Variants in PCDHGA7 observed in about 807,000 individuals in gnomAD.
The protein encoded by PCDHGA7 is protocadherin gamma subfamily A, 7, also known as protocadherin gamma-A7.
Under a neutral mutation model 58.3 loss-of-function variants are expected in PCDHGA7, and 44 were observed. The observed-to-expected ratio is 0.75, with a 90% confidence interval of 0.59 to 0.97. The LOEUF (loss-of-function observed/expected upper bound fraction) is 0.97. Among genes scored for constraint, PCDHGA7 ranks in the 50% least tolerant of loss-of-function variants. The pLI is 0.00. For missense variants in PCDHGA7, 1,266 were observed against 1,188.7 expected (o/e 1.06, Z -0.96); for synonymous variants, 516 against 504.2 (o/e 1.02, Z -0.31).
At chr5:141,394,327 T>C (rs747533347) in intron 1 of PCDHGA7, 1 of 1,613,944 alleles carries the variant, frequency 6.2e-7, no homozygotes. Context: ...TCCTCGTATA[T>C]CTCCATCAAC....
At chr5:141,423,384 C>T in intron 1 of PCDHGA7, 1 of 1,614,172 alleles carries the variant, frequency 6.2e-7, no homozygotes. Flanking sequence ...GGCTGTGGCG[C>T]TGGCATAAGT....
Position 141,432,502 on chromosome 5 carries a change from C to T in PCDHGA7, c.2424+47179C>T. On this transcript the variant is annotated intron_variant, in intron 1 of 3. Transcript: ENST00000518325. This position sits in a 1 kb window ranked among gnomAD's most constrained non-coding sequence, Gnocchi z 6.0. ...CTGGCGTGGAGCTGGCTCCCCGCTC[C>T]GCAGAGCCCGGCTACCTGGTGACCA... 6.2e-7 allele frequency: 1 copy of T among 1,614,142 alleles called. No individual in the cohort carries two copies. The highest frequency in any genetic ancestry group is 8.5e-7 in the Non-Finnish European group (1 of 1,180,042).
intron 1 of PCDHGA7, chr5:141,394,701 C>A (rs375281416): frequency 5.0e-6 from 8 of 1,613,162 alleles, no homozygotes; most frequent in Non-Finnish European, 6.8e-6. Flanking sequence ...GCGCACGGCG[C>A]GAGCCCTGCT....
At position 141,385,079 on chromosome 5, in the gene PCDHGA7, C is replaced by A; in HGVS notation, c.2180C>A (p.Ala727Asp). ...TGGCACAAGTCACGCCTGCTGCAGG[C>A]TTCAGAAGGTGGCTTGGCGAACGTG... Reference protein sequence around the residue: ...RRWHKSRLLQASEGGLANVPT... With the variant: ...RRWHKSRLLQDSEGGLANVPT... The change falls in exon 1 of 4, where the codon GCT (alanine) becomes GAT (aspartate). Residue 727 changes from alanine (A) to aspartate (D), a missense_variant. Transcript: ENST00000518325. The A allele has an allele frequency of 6.2e-7, 1 of 1,614,226 alleles. No homozygotes were observed. The highest frequency in any genetic ancestry group is 8.5e-7 in the Non-Finnish European group (1 of 1,180,048).
Position 141,477,584 on chromosome 5 carries a change from G to A in PCDHGA7, c.2425-17223G>A. 5 of 1,614,148 alleles carry A rather than the reference G, an allele frequency of 3.1e-6. No homozygotes were observed. Among genetic ancestry groups the A allele is most frequent in the Non-Finnish European group, 4.2e-6 (5 of 1,180,032 alleles). On this transcript the variant is annotated intron_variant, in intron 1 of 3. Coordinates refer to ENST00000518325, the MANE Select transcript of PCDHGA7 (RefSeq NM_018920.4). This position sits in a 1 kb window ranked among gnomAD's most constrained non-coding sequence, Gnocchi z 4.9. ...CTGGGACCCCGACGCCCCGCAGAAT[G>A]CTCGGCTTTCTTTCTTTCTCTTGGA...
chr5:141,398,862 C>A (rs771326288), intron 1 of PCDHGA7: 5 of 1,613,966 alleles, frequency 3.1e-6, no homozygotes, highest in Admixed American at 1.7e-5. Flanking sequence ...TCAACCGAGA[C>A]GTGTACAGAG....
intron 1 of PCDHGA7, among the ~76,000 whole-genome samples, chr5:141,453,049 G>C (rs1287375098): frequency 1.3e-5 from 2 of 152,222 alleles, no homozygotes; most frequent in East Asian, 3.9e-4. Context: ...TCTATTATGT[G>C]CAGTTTTAGA....
rs761347005 is a variant in PCDHGA7, at chr5:141,417,873, G to A, written c.2424+32550G>A. On this transcript the variant is annotated intron_variant, in intron 1 of 3. Coordinates refer to ENST00000518325, the MANE Select transcript of PCDHGA7 (RefSeq NM_018920.4). The stretch of plus-strand genomic sequence containing the variant: ...CCCGAGCGAACGATGGGAGGGAGCT[G>A]CGCGCAGAGGCGCCGGGCCGGCCCG... 4.2e-5 allele frequency: 65 copies of A among 1,555,230 alleles called. 2 individuals are homozygous for A. The Middle Eastern group carries it at 6.4e-3, about 152-fold the overall frequency.
chr5:141,383,002 G>T lies in PCDHGA7; in HGVS notation c.103G>T (p.Val35Leu), dbSNP rs376825891. Residue 35 changes from valine (V) to leucine (L), a missense_variant, in exon 1 of 4, where the codon GTG becomes TTG. Val to Leu is a conservative substitution (Grantham distance 32). Coordinates refer to ENST00000518325, the MANE Select transcript of PCDHGA7 (RefSeq NM_018920.4). ...EAWAGRILYS[V>L]SEETDKGSFV... ...CTGGGCAGGACGTATTCTCTACTCC[G>T]TGTCGGAGGAGACGGACAAAGGGTC... The T allele has an allele frequency of 1.2e-6, 2 of 1,613,650 alleles. No individual in the cohort carries two copies. Among genetic ancestry groups the T allele is most frequent in the African/African-American group, 1.3e-5 (1 of 74,948 alleles).
intron 1 of PCDHGA7, chr5:141,395,450 C>A: frequency 1.6e-6 from 1 of 643,034 alleles, no homozygotes; most frequent in Non-Finnish European, 2.5e-6. Flanking sequence ...AAAGATTGTT[C>A]AACCATTTTA....
chr5:141,430,865 C>A, intron 1 of PCDHGA7: 2 of 1,595,350 alleles, frequency 1.3e-6, no homozygotes, highest in Non-Finnish European at 1.7e-6. Flanking sequence ...CTATTCAGTT[C>A]CGGAAGAGCT....
Position 141,489,842 on chromosome 5 carries a change from A to T in PCDHGA7, c.2425-4965A>T. ...GAGCTGGTGCTAGAGCAGCAGCTGGATCGTGAAGCCCAGGCAAGACATCAG... is the reference window on the plus strand; with the variant it reads ...GAGCTGGTGCTAGAGCAGCAGCTGGTTCGTGAAGCCCAGGCAAGACATCAG... On this transcript the variant is annotated intron_variant, in intron 1 of 3. Coordinates refer to ENST00000518325, the MANE Select transcript of PCDHGA7 (RefSeq NM_018920.4). The surrounding 1 kb of genome is among the most constrained non-coding windows in gnomAD (Gnocchi z 4.5). 6.2e-7 allele frequency: 1 copy of T among 1,614,186 alleles called. No homozygotes were observed. Among genetic ancestry groups the T allele is most frequent in the South Asian group, 1.1e-5 (1 of 91,086 alleles).
At chr5:141,387,666 A>C (rs1286333740) in intron 1 of PCDHGA7, 1 of 683,200 alleles carries the variant, frequency 1.5e-6, no homozygotes, top group African/African-American at 1.8e-5. Flanking sequence ...TTGGCGCTCC[A>C]GATCTCCTCG....
At chr5:141,402,976 G>C in intron 1 of PCDHGA7, 5 of 1,608,120 alleles carry the variant, frequency 3.1e-6, no homozygotes, top group Non-Finnish European at 4.2e-6. Context: ...CCAAATGCCA[G>C]CTCCGCGGAA....
rs994009107 is a variant in PCDHGA7 at position 141,490,364 on chromosome 5, G to A, written c.2425-4443G>A. ...ACAGTAGTGGGGTTGTTTAATGTGC[G>A]AGACCGGGACTCAGGTAGAAATGGT... On this transcript the variant is annotated intron_variant, in intron 1 of 3. Transcript: ENST00000518325. The surrounding 1 kb of genome is among the most constrained non-coding windows in gnomAD (Gnocchi z 5.4). 7 of 1,614,056 alleles carry A rather than the reference G, an allele frequency of 4.3e-6. No individual in the cohort carries two copies. In the African/African-American group the frequency reaches 5.3e-5, roughly 12 times the overall value.
At position 141,399,438 on chromosome 5, in the gene PCDHGA7, T is replaced by G; in HGVS notation, c.2424+14115T>G. 3 of 1,613,996 alleles carry G rather than the reference T, an allele frequency of 1.9e-6. No individual in the cohort carries two copies. The South Asian group carries it at 3.3e-5, about 18-fold the overall frequency. On this transcript the variant is annotated intron_variant, in intron 1 of 3. Transcript: ENST00000518325. The stretch of plus-strand genomic sequence containing the variant: ...CCTCCAGCATAAGCGTCATCCTACA[T>G]ATCAGAGACGTCAACGATAACGCTC...
intron 1 of PCDHGA7, chr5:141,404,091 G>A (rs1404367820): frequency 6.2e-7 from 1 of 1,613,422 alleles, no homozygotes; most frequent in Non-Finnish European, 8.5e-7. Flanking sequence ...GGGAAGAATG[G>A]TCAAGTTGTC....
intron 1 of PCDHGA7, among the ~76,000 whole-genome samples, chr5:141,456,887 C>T (rs112521083): frequency 0.042 from 6,384 of 152,090 alleles, 167 homozygotes; most frequent in Middle Eastern, 0.088. Flanking sequence ...CGCTTGAACC[C>T]GGGAGGCAGA....
chr5:141,464,843 A>G lies in PCDHGA7; in HGVS notation c.2425-29964A>G, dbSNP rs183890796. On this transcript the variant is annotated intron_variant, in intron 1 of 3. Coordinates refer to ENST00000518325, the MANE Select transcript of PCDHGA7 (RefSeq NM_018920.4). Reference sequence around the variant, plus strand: ...AGCCTCGCACTCCTGGGCTCAAGCAATCCTCCTACCTTAGCCTCCCAAGTA... The same window carrying G: ...AGCCTCGCACTCCTGGGCTCAAGCAGTCCTCCTACCTTAGCCTCCCAAGTA... 1.5e-3 allele frequency among the ~76,000 whole-genome samples: 231 copies of G among 152,234 alleles called. 1 individual carries two copies. Among genetic ancestry groups the G allele is most frequent in the Non-Finnish European group, 2.3e-3 (159 of 68,018 alleles).
Sources: allele counts gnomAD v4.1 joint callset (sites outside exome capture counted in the v4.1 genomes callset), GRCh38; gene constraint gnomAD v4.1.1; non-coding constraint Gnocchi (gnomAD v3.1); transcripts MANE v1.5; gene names NCBI Gene and HGNC (gene_info 2026-07-23, HGNC 2026-07-21).